SMIM36: variants seen among roughly 807,000 people sequenced by gnomAD.
SMIM36 encodes small integral membrane protein 36.
At chr17:55,520,825 T>A in the SMIM36 span, among the ~76,000 whole-genome samples, 2 of 152,178 alleles carry the variant, frequency 1.3e-5, no homozygotes, top group African/African-American at 4.8e-5. Context: ...ATAATAACTT[T>A]TACTTAACAA....
At chr17:55,525,900 C>A in the SMIM36 span, among the ~76,000 whole-genome samples, 1 of 152,054 alleles carries the variant, frequency 6.6e-6, no homozygotes, top group African/African-American at 2.4e-5. Flanking sequence ...TCAAGCGATC[C>A]GCCTGCCTCG....
chr17:55,485,397 C>T (rs1215748139), intron 1 of SMIM36, among the ~76,000 whole-genome samples: 1 of 151,734 alleles, frequency 6.6e-6, no homozygotes, highest in Non-Finnish European at 1.5e-5. Context: ...CAAGCAGTCC[C>T]ACCTCAGCCT....
At chr17:55,489,293 G>A (rs760679040) in intron 1 of SMIM36, among the ~76,000 whole-genome samples, 9 of 152,022 alleles carry the variant, frequency 5.9e-5, no homozygotes, top group Non-Finnish European at 7.4e-5. Flanking sequence ...CAGGAGAATC[G>A]CTTGAACCTG....
intron 3 of SMIM36, among the ~76,000 whole-genome samples, chr17:55,474,851 G>A (rs1909403053): frequency 6.6e-6 from 1 of 152,136 alleles, no homozygotes; most frequent in South Asian, 2.1e-4. Flanking sequence ...GGGATTTAAG[G>A]GAGACTATGG....
chr17:55,501,312 ATAT>A (rs1909956582), intron 1 of SMIM36, among the ~76,000 whole-genome samples: 1 of 80,056 alleles, frequency 1.2e-5, no homozygotes, highest in Non-Finnish European at 2.1e-5. Context: ...ATTATGTTAT[ATAT>A]TATATTTTAT....
upstream of SMIM36, among the ~76,000 whole-genome samples, chr17:55,514,134 T>C (rs1159412630): frequency 6.6e-6 from 1 of 152,190 alleles, no homozygotes; most frequent in African/African-American, 2.4e-5. Context: ...TTATTCATAC[T>C]GGGGCTAACC....
chr17:55,501,163 T>C lies in SMIM36; in HGVS notation c.*174+9716A>G, dbSNP rs1422816101. On this transcript the variant is annotated intron_variant, in intron 1 of 4. Coordinates refer to ENST00000636752, the Ensembl canonical transcript of SMIM36. ...ATATCTTATATTTTATAATATATAA[T>C]ATATCTTATATATTATAATATATAA... is the stretch of plus-strand genomic sequence containing the variant. Among the ~76,000 whole-genome samples the C allele has an allele frequency of 1.6e-3, 143 of 89,828 alleles. 10 individuals carry two copies. The highest frequency in any genetic ancestry group is 6.0e-3 in the African/African-American group (142 of 23,570). 58.9% of individuals were successfully genotyped at this position (89,828 alleles called of 152,430 possible).
At chr17:55,458,918 G>A (rs557243434) in intron 4 of SMIM36, among the ~76,000 whole-genome samples, 61 of 152,152 alleles carry the variant, frequency 4.0e-4, no homozygotes, top group Non-Finnish European at 6.0e-4. Context: ...AAGAAACCCC[G>A]GGGTACAGAA....
At chr17:55,489,360 A>G (rs76123536) in intron 1 of SMIM36, among the ~76,000 whole-genome samples, 12,073 of 148,234 alleles carry the variant, frequency 0.081, 526 homozygotes, top group South Asian at 0.15. Flanking sequence ...CCTGGACAGA[A>G]CAAAACCCTG....
rs1244908247 is a variant in SMIM36 at position 55,501,210 on chromosome 17, TA to T, written c.*174+9668del. Among the ~76,000 whole-genome samples, 571 of 86,362 alleles carry T rather than the reference TA, an allele frequency of 6.6e-3. 95 individuals are homozygous for T. The highest frequency in any genetic ancestry group is 9.4e-3 in the African/African-American group (206 of 21,874). 56.7% of individuals were successfully genotyped at this position (86,362 alleles called of 152,430 possible). ...ATAATATATCTTATATATTATAATATATAATATATATTATATATTATAATAT... is the reference window on the plus strand; with the variant it reads ...ATAATATATCTTATATATTATAATATTAATATATATTATATATTATAATAT... On this transcript the variant is annotated intron_variant, in intron 1 of 4. Coordinates refer to ENST00000636752, the Ensembl canonical transcript of SMIM36.
chr17:55,514,553 T>A (rs986046646), upstream of SMIM36, among the ~76,000 whole-genome samples: 2 of 152,168 alleles, frequency 1.3e-5, no homozygotes, highest in African/African-American at 4.8e-5. Flanking sequence ...ATTCCCTTTT[T>A]CCCTCTCACC....
intron 1 of SMIM36, among the ~76,000 whole-genome samples, chr17:55,486,755 A>G (rs1262475099): frequency 6.6e-6 from 1 of 152,208 alleles, no homozygotes; most frequent in African/African-American, 2.4e-5. Flanking sequence ...TCAAATTTCA[A>G]TTCCCTATTC....
At chr17:55,473,440 T>C (rs1909375797) in intron 3 of SMIM36, among the ~76,000 whole-genome samples, 1 of 152,146 alleles carries the variant, frequency 6.6e-6, no homozygotes, top group Non-Finnish European at 1.5e-5. Context: ...GGTCATTTCT[T>C]CCCTTCTAAC....
rs370173087 is a variant in SMIM36, at chr17:55,490,487, T to C, written c.*175-10907A>G. 4.5e-4 allele frequency among the ~76,000 whole-genome samples: 69 copies of C among 152,280 alleles called. No individual in the cohort carries two copies. In the East Asian group the frequency reaches 9.6e-3, roughly 21 times the overall value. On this transcript the variant is annotated intron_variant, in intron 1 of 4. Transcript: ENST00000636752. ...ATGTTCTAAAGAATAATTTTAACTC[T>C]TGGTTTGTACACTTGACATTTTTTG...
At chr17:55,483,607 C>T (rs1049363633) in intron 1 of SMIM36, among the ~76,000 whole-genome samples, 1 of 152,120 alleles carries the variant, frequency 6.6e-6, no homozygotes, top group Non-Finnish European at 1.5e-5. Flanking sequence ...AGTCTGCCTG[C>T]CTGCCCTACA....
intron 3 of SMIM36, among the ~76,000 whole-genome samples, chr17:55,468,591 C>T (rs2143253566): frequency 6.6e-6 from 1 of 152,282 alleles, no homozygotes; most frequent in Non-Finnish European, 1.5e-5. Context: ...CCACTCACCA[C>T]ATTCCCTTGG....
At chr17:55,483,100 C>T (rs1159332337) in intron 1 of SMIM36, among the ~76,000 whole-genome samples, 1 of 152,208 alleles carries the variant, frequency 6.6e-6, no homozygotes, top group Admixed American at 6.5e-5. Context: ...TTCTGAGGCT[C>T]ATTGAACTAA....
intron 1 of SMIM36, among the ~76,000 whole-genome samples, chr17:55,482,212 C>G (rs563685086): frequency 6.6e-6 from 1 of 152,140 alleles, no homozygotes; most frequent in East Asian, 1.9e-4. Context: ...GGAAAGAACT[C>G]GTTGGTTGCC....
chr17:55,524,983 T>A, the SMIM36 span, among the ~76,000 whole-genome samples: 1 of 152,204 alleles, frequency 6.6e-6, no homozygotes, highest in African/African-American at 2.4e-5. Flanking sequence ...TATCCCTCCA[T>A]TTTACAGATG....
Sources: gnomAD v4.1 joint callset for allele counts (sites outside exome capture counted in the v4.1 genomes callset) on GRCh38, gnomAD v4.1.1 for gene constraint, MANE v1.5 for transcripts, NCBI Gene and HGNC (gene_info 2026-07-23, HGNC 2026-07-21) for gene names.